The following SLIT3 variants were observed in gnomAD, a reference collection of about 807,000 sequenced individuals.
SLIT3 encodes slit guidance ligand 3.
SLIT3 carries 68 observed loss-of-function variants against 184.0 expected under a neutral mutation model. That is an observed-to-expected ratio of 0.37 (90% CI 0.30 to 0.45). The LOEUF (loss-of-function observed/expected upper bound fraction) is 0.45. Ranked by LOEUF, SLIT3 falls within the 20% of genes least tolerant of loss-of-function variation. The pLI is 1.00. For synonymous variants in SLIT3, 831 were observed against 828.6 expected (o/e 1.00, Z -0.05); for missense variants, 1,707 against 2,026.0 (o/e 0.84, Z 3.02).
rs1397015577 is a variant in SLIT3, at chr5:168,760,945, G to A, written c.1611-9C>T. The A allele has an allele frequency of 1.2e-6, 2 of 1,609,020 alleles. No individual in the cohort carries two copies. Among genetic ancestry groups the A allele is most frequent in the African/African-American group, 1.3e-5 (1 of 74,876 alleles). ...CATTGTCATTCAGTCGCCTGTGTAG[G>A]AAGCAAGATGAGTGGTAGGTTAGCT... On this transcript the variant is annotated splice_polypyrimidine_tract_variant and intron_variant, in intron 15 of 35. Coordinates refer to ENST00000519560, the MANE Select transcript of SLIT3 (RefSeq NM_003062.4).
Position 168,682,253 on chromosome 5 carries a change from C to T in SLIT3, c.3686+1713G>A, listed in dbSNP as rs76731236. On this transcript the variant is annotated intron_variant, in intron 32 of 35. Transcript: ENST00000519560. Reference sequence around the variant, plus strand: ...GGTCAACACCCTTTTCTTTGCTCCTCATCTGTCTTTGCTGACCTCCCAGCA... The same window carrying T: ...GGTCAACACCCTTTTCTTTGCTCCTTATCTGTCTTTGCTGACCTCCCAGCA... Among the ~76,000 whole-genome samples the T allele has an allele frequency of 3.4e-3, 525 of 152,342 alleles. 3 individuals carry two copies. The highest frequency in any genetic ancestry group is 0.012 in the African/African-American group (486 of 41,586).
Position 169,237,051 on chromosome 5 carries a change from C to T in SLIT3, c.341+7654G>A, listed in dbSNP as rs182366660. On this transcript the variant is annotated intron_variant, in intron 3 of 35. Transcript: ENST00000519560. ...GTGTCTCAGAACTGTTAACCCATAT[C>T]CCCAGGGGAAACAACTTTACCAACT... 1.5e-3 allele frequency among the ~76,000 whole-genome samples: 226 copies of T among 152,246 alleles called. 1 individual carries two copies. Among genetic ancestry groups the T allele is most frequent in the African/African-American group, 4.9e-3 (205 of 41,558 alleles).
intron 4 of SLIT3, among the ~76,000 whole-genome samples, chr5:168,935,293 ATT>A (rs1232700557): frequency 6.6e-6 from 1 of 152,090 alleles, no homozygotes; most frequent in Non-Finnish European, 1.5e-5. Flanking sequence ...GTTGGGATTC[ATT>A]TTCTCTCTCC....
At chr5:169,088,089 A>G (rs1434470427) in intron 4 of SLIT3, among the ~76,000 whole-genome samples, 1 of 152,210 alleles carries the variant, frequency 6.6e-6, no homozygotes, top group Non-Finnish European at 1.5e-5. Flanking sequence ...TCTGCATGGT[A>G]GCCATTCCCT....
At chr5:168,729,974 A>G (rs1004031465) in intron 20 of SLIT3, among the ~76,000 whole-genome samples, 4 of 152,148 alleles carry the variant, frequency 2.6e-5, no homozygotes, top group African/African-American at 9.7e-5. Context: ...TGCCTACAAG[A>G]AACTTATCCT....
intron 32 of SLIT3, among the ~76,000 whole-genome samples, chr5:168,675,795 C>T (rs961676172): frequency 3.9e-5 from 6 of 152,184 alleles, no homozygotes; most frequent in African/African-American, 1.4e-4. Flanking sequence ...GGACCATTGC[C>T]TGCAAAGCTA....
chr5:169,151,708 C>A (rs1394594674), intron 4 of SLIT3, among the ~76,000 whole-genome samples: 1 of 152,226 alleles, frequency 6.6e-6, no homozygotes. Context: ...GAGCCCAGCC[C>A]TGTAAAGTAC....
intron 16 of SLIT3, among the ~76,000 whole-genome samples, chr5:168,756,615 A>G (rs911021319): frequency 6.6e-6 from 1 of 152,152 alleles, no homozygotes; most frequent in Non-Finnish European, 1.5e-5. Context: ...CGGTTTTCTT[A>G]TAAATCCTGG....
chr5:168,979,186 G>A (rs1754868429), intron 4 of SLIT3, among the ~76,000 whole-genome samples: 1 of 152,206 alleles, frequency 6.6e-6, no homozygotes, highest in South Asian at 2.1e-4. Context: ...AGAATCTCAT[G>A]CTTCGGGGTT....
At chr5:168,672,868 A>G (rs1433667622) in intron 33 of SLIT3, among the ~76,000 whole-genome samples, 2 of 152,148 alleles carry the variant, frequency 1.3e-5, no homozygotes, top group Admixed American at 1.3e-4. Flanking sequence ...AGCAGAGGGA[A>G]TATGACCTGA....
intron 4 of SLIT3, among the ~76,000 whole-genome samples, chr5:169,011,498 T>C (rs1340885274): frequency 6.6e-6 from 1 of 152,074 alleles, no homozygotes; most frequent in African/African-American, 2.4e-5. Flanking sequence ...TGTGGATTTA[T>C]GGAGGTGATT....
intron 4 of SLIT3, among the ~76,000 whole-genome samples, chr5:169,041,231 A>C (rs1757437612): frequency 6.6e-6 from 1 of 152,212 alleles, no homozygotes; most frequent in African/African-American, 2.4e-5. Context: ...TCATTTGCTC[A>C]ATCATTTATT....
At chr5:168,974,500 G>A (rs1022546457) in intron 4 of SLIT3, among the ~76,000 whole-genome samples, 17 of 152,302 alleles carry the variant, frequency 1.1e-4, no homozygotes, top group South Asian at 4.1e-4. Context: ...GGGTTTTCAA[G>A]GGTACATTTG....
At chr5:169,293,032 G>A (rs1317780807) in intron 1 of SLIT3, among the ~76,000 whole-genome samples, 1 of 152,202 alleles carries the variant, frequency 6.6e-6, no homozygotes, top group Non-Finnish European at 1.5e-5. Flanking sequence ...AGTCCAAGAA[G>A]ATTGGAACCT....
chr5:168,747,245 G>A (rs1231391577), intron 20 of SLIT3, among the ~76,000 whole-genome samples: 1 of 152,150 alleles, frequency 6.6e-6, no homozygotes, highest in Non-Finnish European at 1.5e-5. Flanking sequence ...TTCTCACTTT[G>A]CGTGTCCTAG....
chr5:168,767,702 A>C (rs1489303232), intron 14 of SLIT3, among the ~76,000 whole-genome samples: 2 of 152,320 alleles, frequency 1.3e-5, no homozygotes, highest in East Asian at 3.9e-4. Flanking sequence ...GTGAATACCA[A>C]TAAAGGTGGT....
chr5:168,829,436 T>C (rs1239447486), intron 6 of SLIT3, among the ~76,000 whole-genome samples: 1 of 152,198 alleles, frequency 6.6e-6, no homozygotes, highest in Non-Finnish European at 1.5e-5. Context: ...TCCAGACTCC[T>C]TGGGTCCAAG....
intron 4 of SLIT3, among the ~76,000 whole-genome samples, chr5:169,017,336 C>G (rs769774835): frequency 6.6e-6 from 1 of 152,290 alleles, no homozygotes; most frequent in South Asian, 2.1e-4. Context: ...ACATCCCCTT[C>G]GACTCCTTCC....
intron 4 of SLIT3, among the ~76,000 whole-genome samples, chr5:169,159,103 G>A (rs1762396078): frequency 6.6e-6 from 1 of 151,996 alleles, no homozygotes; most frequent in South Asian, 2.1e-4. Flanking sequence ...CAGAGACTGA[G>A]GCTGGGCATG....
Sources: gnomAD v4.1 joint callset for allele counts (sites outside exome capture counted in the v4.1 genomes callset) on GRCh38, gnomAD v4.1.1 for gene constraint, MANE v1.5 for transcripts, NCBI Gene and HGNC (gene_info 2026-07-23, HGNC 2026-07-21) for gene names.